Variants in CTSL observed in about 807,000 individuals in gnomAD.
The protein encoded by CTSL is procathepsin L.
CTSL carries 23 observed loss-of-function variants against 34.7 expected under a neutral mutation model. The ratio of observed to expected loss-of-function variants is 0.66; its 90% confidence interval spans 0.48 to 0.94. CTSL has a LOEUF of 0.94. CTSL is among the 40% of genes least tolerant of loss of function. The pLI is 0.00. For missense variants in CTSL, 361 were observed against 406.3 expected (o/e 0.89, Z 0.96); for synonymous variants, 129 against 136.7 (o/e 0.94, Z 0.39).
At chr9:87,729,421 A>G in intron 5 of CTSL, 152 bp from the exon 6 acceptor site, 1 of 637,756 alleles carries the variant, frequency 1.6e-6, no homozygotes, top group East Asian at 2.9e-5. Flanking sequence ...GTTTCAGATT[A>G]ACTAATAGCA....
At chr9:87,729,480 G>A (rs1826170486) in intron 5 of CTSL, 93 bp from the exon 6 acceptor site, 1 of 1,081,408 alleles carries the variant, frequency 9.2e-7, no homozygotes, top group South Asian at 1.6e-5. Context: ...GAAATACTAA[G>A]CTGCACACTG....
At chr9:87,729,852 ATAG>A in intron 6 of CTSL, 117 bp downstream of exon 6, 1 of 939,828 alleles carries the variant, frequency 1.1e-6, no homozygotes, top group Non-Finnish European at 1.6e-6. Context: ...GCTTAGCATC[ATAG>A]TTGTTCATTC....
Position 87,731,450 on chromosome 9 carries a change from A to C in CTSL, c.*343A>C. ...TGAATTTTTGTGTAATAAAGAACAT[A>C]ATTGGGCTCTAAGCCATAACTGCTG... On this transcript the variant is annotated 3_prime_UTR_variant, in exon 8 of 8. Coordinates refer to ENST00000343150, the MANE Select transcript of CTSL (RefSeq NM_001912.5). 5.4e-6 allele frequency: 1 copy of C among 184,930 alleles called. No individual in the cohort carries two copies. The highest frequency in any genetic ancestry group is 1.3e-4 in the South Asian group (1 of 7,764). The allele number at this position is 184,930 out of a possible 1,614,324, so 11.5% of individuals were successfully genotyped here.
At chr9:87,726,848 G>A (rs1043310716) in intron 1 of CTSL, among the ~76,000 whole-genome samples, 1 of 152,110 alleles carries the variant, frequency 6.6e-6, no homozygotes, top group African/African-American at 2.4e-5. Flanking sequence ...TTCGAGACCA[G>A]CCTGGCCAAC....
In CTSL at chr9:87,727,615, A is replaced by G. The variant is rs749548874; in HGVS notation, c.12A>G (p.Thr4=). 5.0e-5 allele frequency: 81 copies of G among 1,613,830 alleles called. No homozygotes were observed. Among genetic ancestry groups the G allele is most frequent in the Middle Eastern group, 4.9e-4 (3 of 6,080 alleles). Residue 4 remains threonine (T), a synonymous_variant, in exon 2 of 8, where the codon ACA becomes ACG. Coordinates refer to ENST00000343150, the MANE Select transcript of CTSL (RefSeq NM_001912.5). ...CTAGGTTTTAAAACATGAATCCTAC[A>G]CTCATCCTTGCTGCCTTTTGCCTGG... MNP[T]LILAAFCLGI...
At chr9:87,729,521 CAGG>C (rs1184983917) in intron 5 of CTSL, 49 bp from the exon 6 acceptor site, 13 of 1,543,564 alleles carry the variant, frequency 8.4e-6, no homozygotes, top group African/African-American at 4.1e-5. Flanking sequence ...TCATGTTCTC[CAGG>C]AGGAGGACAG....
chr9:87,726,550 T>A (rs1826000626), intron 1 of CTSL, among the ~76,000 whole-genome samples, 152 bp downstream of exon 1: 1 of 152,156 alleles, frequency 6.6e-6, no homozygotes, highest in Admixed American at 6.5e-5. Flanking sequence ...AGGCGTCATG[T>A]CCCCGGCCCT....
Position 87,729,601 on chromosome 9 carries a change from A to G in CTSL, c.650A>G (p.Tyr217Cys), listed in dbSNP as rs1442122394. The G allele has an allele frequency of 1.2e-6, 2 of 1,614,072 alleles. No individual in the cohort carries two copies. The highest frequency in any genetic ancestry group is 2.2e-5 in the South Asian group (2 of 91,046). Residue 217 changes from tyrosine to cysteine, a missense_variant, in exon 6 of 8, where the codon TAT becomes TGT. Physicochemically the swap from Tyr to Cys is radical, Grantham distance 194. Transcript: ENST00000343150. ...TEESCKYNPK[Y>C]SVANDTGFVD... ...GAATCCTGTAAGTACAATCCCAAGT[A>G]TTCTGTTGCTAATGACACCGGCTTT... is the stretch of plus-strand genomic sequence containing the variant.
chr9:87,727,578 T>C lies in CTSL; in HGVS notation c.-10-16T>C, dbSNP rs1826068029. On this transcript the variant is annotated splice_polypyrimidine_tract_variant and intron_variant, in intron 1 of 7. Transcript: ENST00000343150. ...GGATTGGTCTAATCAGATCCTCATT[T>C]TTGTTCCCTTCCTAGGTTTTAAAAC... The C allele has an allele frequency of 6.2e-7, 1 of 1,613,232 alleles. No individual in the cohort carries two copies. Among genetic ancestry groups the C allele is most frequent in the African/African-American group, 1.3e-5 (1 of 74,878 alleles).
At position 87,728,290 on chromosome 9, in the gene CTSL, A is replaced by G; in HGVS notation, c.290A>G (p.Asn97Ser). ...EFRQVMNGFQNRKPRKGKVFQ... is the reference protein window; with the variant it reads ...EFRQVMNGFQSRKPRKGKVFQ... ...AGGCAGGTGATGAATGGCTTTCAAA[A>G]CCGTAAGCCCAGGAAGGGGAAAGTG... The change falls in exon 4 of 8, where the codon AAC (asparagine) becomes AGC (serine). Residue 97 changes from asparagine (N) to serine (S), a missense_variant. Physicochemically the swap from Asn to Ser is conservative, Grantham distance 46. Transcript: ENST00000343150. 6.2e-7 allele frequency: 1 copy of G among 1,614,154 alleles called. No homozygotes were observed. The highest frequency in any genetic ancestry group is 8.5e-7 in the Non-Finnish European group (1 of 1,180,022).
chr9:87,728,584 G>C lies in CTSL; in HGVS notation c.397-1G>C. ...ACAGCTTTTTTTAATTCCCTTTTCA[G>C]GGTCAGTGTGGTTCTTGTTGGGCTT... On this transcript the variant is annotated splice_acceptor_variant, in intron 4 of 7. Transcript: ENST00000343150. LOFTEE classifies it high-confidence loss of function. 1 of 1,610,290 alleles carries C rather than the reference G, an allele frequency of 6.2e-7. No individual in the cohort carries two copies. The highest frequency in any genetic ancestry group is 8.5e-7 in the Non-Finnish European group (1 of 1,178,326).
intron 7 of CTSL, 80 bp downstream of exon 7, chr9:87,730,578 C>A: frequency 1.0e-6 from 1 of 984,882 alleles, no homozygotes; most frequent in Non-Finnish European, 1.6e-6. Flanking sequence ...TACAGTTCCA[C>A]ATGCCCTTAG....
chr9:87,727,528 C>A, intron 1 of CTSL, 66 bp from the exon 2 acceptor site: 1 of 1,507,030 alleles, frequency 6.6e-7, no homozygotes, highest in Non-Finnish European at 9.1e-7. Context: ...CCTAATTTTT[C>A]AGGGGGCAGT....
rs1826252106 is a variant in CTSL, at chr9:87,731,233, T to C, written c.*126T>C. 1 of 592,004 alleles carries C rather than the reference T, an allele frequency of 1.7e-6. No individual in the cohort carries two copies. Among genetic ancestry groups the C allele is most frequent in the Admixed American group, 2.9e-5 (1 of 34,660 alleles). 36.7% of individuals were successfully genotyped at this position (592,004 alleles called of 1,614,324 possible). On this transcript the variant is annotated 3_prime_UTR_variant, in exon 8 of 8. Transcript: ENST00000343150. ...CGAATCATTGAAGATCCGAGTGTGA[T>C]TTGAATTCTGTGATATTTTCACACT...
rs780907352 is a variant in CTSL at position 87,727,781 on chromosome 9, T to C, written c.126+52T>C. 2.6e-5 allele frequency: 42 copies of C among 1,607,990 alleles called. 2 individuals are homozygous for C. The South Asian group carries it at 4.6e-4, about 18-fold the overall frequency. On this transcript the variant is annotated intron_variant, in intron 2 of 7. Coordinates refer to ENST00000343150, the MANE Select transcript of CTSL (RefSeq NM_001912.5). ...AGTCCTGGCTGTTGAGAAGTTTTAG[T>C]CAGAGAGTAGCTTCTAGAGGCCAGC...
At chr9:87,728,544 T>C (rs760780719) in intron 4 of CTSL, 41 bp from the exon 5 acceptor site, 2 of 1,590,398 alleles carry the variant, frequency 1.3e-6, no homozygotes, top group South Asian at 2.3e-5. Context: ...TCTTATTATT[T>C]TTTTTTTGTG....
chr9:87,728,456 A>C, intron 4 of CTSL, 60 bp downstream of exon 4: 3 of 1,584,010 alleles, frequency 1.9e-6, no homozygotes, highest in Admixed American at 1.9e-5. Flanking sequence ...AGTGATTGAC[A>C]TCTTTGTTTT....
At chr9:87,727,354 GTT>G (rs1223705119) in intron 1 of CTSL, among the ~76,000 whole-genome samples, 1 of 152,060 alleles carries the variant, frequency 6.6e-6, no homozygotes, top group Non-Finnish European at 1.5e-5. Flanking sequence ...CGCATAAACT[GTT>G]TCAGCTCCTA....
At chr9:87,727,295 T>G (rs1237933334) in intron 1 of CTSL, among the ~76,000 whole-genome samples, 2 of 152,126 alleles carry the variant, frequency 1.3e-5, no homozygotes, top group Non-Finnish European at 2.9e-5. Context: ...GCCTTAAGCT[T>G]CTCACACACA....
Sources: allele counts gnomAD v4.1 joint callset (sites outside exome capture counted in the v4.1 genomes callset), GRCh38; gene constraint gnomAD v4.1.1; transcripts MANE v1.5; gene names NCBI Gene and HGNC (gene_info 2026-07-23, HGNC 2026-07-21).